Variants in SLC23A2 observed in about 807,000 individuals in gnomAD.
SLC23A2 encodes solute carrier family 23 member 2.
Under a neutral mutation model 73.3 loss-of-function variants are expected in SLC23A2, and 36 were observed. The ratio of observed to expected loss-of-function variants is 0.49; its 90% CI spans 0.38 to 0.65. The LOEUF (loss-of-function observed/expected upper bound fraction) is 0.65, where lower values mean the gene tolerates loss of function less well. Among genes scored for constraint, SLC23A2 ranks in the 30% least tolerant of loss-of-function variants. The pLI is 0.00. For missense variants in SLC23A2, 507 were observed against 841.6 expected, an observed-to-expected ratio of 0.60 and a Z score of 4.92; for synonymous variants, 343 against 327.3, an observed-to-expected ratio of 1.05 and a Z score of -0.52.
chr20:4,935,201 A>AG (rs2086943280), intron 2 of SLC23A2, among the ~76,000 whole-genome samples: 1 of 151,206 alleles, frequency 6.6e-6, no homozygotes, highest in Admixed American at 6.6e-5. Flanking sequence ...AAAAAAAAAA[A>AG]AAAAAAGAAA....
chr20:4,883,625 G>C lies in SLC23A2; in HGVS notation c.824+17C>G, dbSNP rs757661348. On this transcript the variant is annotated intron_variant, in intron 9 of 16. Coordinates refer to ENST00000338244, the MANE Select transcript of SLC23A2 (RefSeq NM_005116.6). This position sits in a 1 kb window ranked among gnomAD's most constrained non-coding sequence, Gnocchi z 4.5. ...CTGCCCCGCAGTGGTGGGATGAGGGGAGATGTTTCCACTTACAGCATGGCA... is the reference window on the plus strand; with the variant it reads ...CTGCCCCGCAGTGGTGGGATGAGGGCAGATGTTTCCACTTACAGCATGGCA... The C allele has an allele frequency of 1.9e-6, 3 of 1,590,514 alleles. No individual in the cohort carries two copies. In the South Asian group the frequency reaches 3.4e-5, roughly 18 times the overall value.
Position 4,869,893 on chromosome 20 carries a change from C to T in SLC23A2, c.1250+13G>A, listed in dbSNP as rs771642333. On this transcript the variant is annotated intron_variant, in intron 12 of 16. Coordinates refer to ENST00000338244, the MANE Select transcript of SLC23A2 (RefSeq NM_005116.6). ...CTGGGACCAATCAGGAACTTGTCTTCTCAGGAACGTACCTGTTTATTGCGT... is the reference window on the plus strand; with the variant it reads ...CTGGGACCAATCAGGAACTTGTCTTTTCAGGAACGTACCTGTTTATTGCGT... The T allele has an allele frequency of 1.2e-6, 2 of 1,604,688 alleles. No individual in the cohort carries two copies. Among genetic ancestry groups the T allele is most frequent in the South Asian group, 2.2e-5 (2 of 90,506 alleles).
At chr20:4,892,278 T>C (rs776515738) in intron 6 of SLC23A2, among the ~76,000 whole-genome samples, 2 of 151,720 alleles carry the variant, frequency 1.3e-5, no homozygotes, top group Non-Finnish European at 2.9e-5. Context: ...CCTCTGCCTC[T>C]CGGGTTCAAG....
Position 4,884,747 on chromosome 20 carries a change from T to A in SLC23A2, c.642+6A>T. Reference sequence around the variant, plus strand: ...AAGCCAAAAGCAGACAACGCTTGTCTTTTACCTCTCGGATCCGGGGATACC... The same window carrying A: ...AAGCCAAAAGCAGACAACGCTTGTCATTTACCTCTCGGATCCGGGGATACC... On this transcript the variant is annotated splice_donor_region_variant and intron_variant, in intron 8 of 16. Transcript: ENST00000338244. 7.5e-6 allele frequency: 12 copies of A among 1,606,408 alleles called. No homozygotes were observed. The highest frequency in any genetic ancestry group is 1.3e-5 in the African/African-American group (1 of 74,834).
intron 9 of SLC23A2, among the ~76,000 whole-genome samples, chr20:4,881,657 T>C (rs1484209920): frequency 1.3e-5 from 2 of 152,220 alleles, no homozygotes; most frequent in Non-Finnish European, 2.9e-5. Flanking sequence ...ATTTTCTGTA[T>C]CTTTATTAAT....
intron 2 of SLC23A2, among the ~76,000 whole-genome samples, chr20:4,956,303 T>G (rs2087286912): frequency 6.6e-6 from 1 of 152,166 alleles, no homozygotes; most frequent in African/African-American, 2.4e-5. Flanking sequence ...CAAAAGAGAT[T>G]CAAGATTATC....
At chr20:5,010,047 A>G (rs1299978198) in intron 1 of SLC23A2, 1 of 150,792 alleles carries the variant, frequency 6.6e-6, no homozygotes, top group Middle Eastern at 3.2e-3. Context: ...GTGAGCCAAG[A>G]TCACGCCACT....
intron 2 of SLC23A2, among the ~76,000 whole-genome samples, chr20:4,955,813 A>G (rs957069847): frequency 6.6e-6 from 1 of 152,016 alleles, no homozygotes; most frequent in African/African-American, 2.4e-5. Flanking sequence ...TTTTTAAAAA[A>G]GTACTGTATA....
chr20:4,923,545 C>T (rs897717170), intron 3 of SLC23A2, among the ~76,000 whole-genome samples: 7 of 152,184 alleles, frequency 4.6e-5, no homozygotes, highest in Admixed American at 4.6e-4. Context: ...AAACCAATTC[C>T]CTGGGCCGAC....
At chr20:4,943,226 T>C (rs1318940287) in intron 2 of SLC23A2, among the ~76,000 whole-genome samples, 1 of 152,130 alleles carries the variant, frequency 6.6e-6, no homozygotes, top group Non-Finnish European at 1.5e-5. Context: ...GAATAAATAC[T>C]ATATCAGAAA....
chr20:4,926,479 A>C (rs887092887), intron 3 of SLC23A2, among the ~76,000 whole-genome samples: 2 of 142,584 alleles, frequency 1.4e-5, no homozygotes, highest in African/African-American at 5.2e-5. Context: ...CAATGTCCCT[A>C]GGGTACGATC....
chr20:5,002,469 T>C (rs557525916), upstream of SLC23A2, among the ~76,000 whole-genome samples: 1 of 151,968 alleles, frequency 6.6e-6, no homozygotes, highest in African/African-American at 2.4e-5. Flanking sequence ...CTTTACTAAC[T>C]GAATGATAAT....
At chr20:5,006,547 TTTTATTTATTTA>T (rs78731557) in intron 1 of SLC23A2, among the ~76,000 whole-genome samples, 13 of 147,520 alleles carry the variant, frequency 8.8e-5, no homozygotes, top group Admixed American at 3.4e-4. Flanking sequence ...GTAAAAGCCA[TTTTATTTATTTA>T]TTTATTTATT....
intron 15 of SLC23A2, among the ~76,000 whole-genome samples, chr20:4,861,084 A>G (rs150312067): frequency 6.6e-6 from 1 of 152,340 alleles, no homozygotes; most frequent in African/African-American, 2.4e-5. Context: ...TACAACATGG[A>G]TGAATCTTGA....
intron 1 of SLC23A2, among the ~76,000 whole-genome samples, chr20:4,976,027 A>G (rs1389277287): frequency 1.3e-5 from 2 of 150,502 alleles, no homozygotes; most frequent in Admixed American, 6.6e-5. Context: ...CTAATTTTTT[A>G]TATTTTTAGT....
chr20:4,896,158 C>T (rs1931512611), intron 6 of SLC23A2, among the ~76,000 whole-genome samples: 1 of 152,064 alleles, frequency 6.6e-6, no homozygotes, highest in African/African-American at 2.4e-5. Flanking sequence ...CAAACGTGCC[C>T]CCCACGGTGA....
chr20:4,989,115 T>G (rs2087881847), intron 1 of SLC23A2, among the ~76,000 whole-genome samples: 2 of 151,416 alleles, frequency 1.3e-5, no homozygotes, highest in South Asian at 4.2e-4. Context: ...GGTGGGTGCC[T>G]GTAGTCCCAG....
intron 3 of SLC23A2, among the ~76,000 whole-genome samples, chr20:4,926,778 T>C (rs1024539385): frequency 3.9e-5 from 6 of 152,278 alleles, no homozygotes; most frequent in Admixed American, 2.6e-4. Flanking sequence ...TTTGTTCTTT[T>C]TCTTTGTAAA....
Position 4,899,566 on chromosome 20 carries a change from CGTT to C in SLC23A2, c.468_470del (p.Thr157del). 1 of 1,614,100 alleles carries C rather than the reference CGTT, an allele frequency of 6.2e-7. No homozygotes were observed. The highest frequency in any genetic ancestry group is 1.1e-5 in the South Asian group (1 of 91,070). On this transcript the variant is annotated inframe_deletion, in exon 6 of 17. Transcript: ENST00000338244. This position sits in a 1 kb window ranked among gnomAD's most constrained non-coding sequence, Gnocchi z 4.9. ...TACCCCAATCTCACCTGCATCCAAA[CGTT>C]GTCTGTAGCAAAGTAGTGATTCCCA... is the stretch of plus-strand genomic sequence containing the variant.
Sources: gnomAD v4.1 joint callset for allele counts (sites outside exome capture counted in the v4.1 genomes callset) on GRCh38, gnomAD v4.1.1 for gene constraint, Gnocchi (gnomAD v3.1) non-coding constraint, MANE v1.5 for transcripts, NCBI Gene and HGNC (gene_info 2026-07-23, HGNC 2026-07-21) for gene names.